The following ARHGAP22 variants were observed in gnomAD, a reference collection of about 807,000 sequenced individuals.
The protein encoded by ARHGAP22 is Rho GTPase activating protein 22.
A neutral mutation model predicts 59.1 loss-of-function variants in ARHGAP22; 48 were observed. That is an observed-to-expected ratio of 0.81 (90% CI 0.64 to 1.03). The LOEUF (loss-of-function observed/expected upper bound fraction) is 1.03, where lower values mean the gene tolerates loss of function less well. ARHGAP22 is among the 50% of genes least tolerant of loss of function. The pLI is 0.00. For synonymous variants in ARHGAP22, 445 were observed against 416.4 expected (o/e 1.07, Z -0.84); for missense variants, 1,015 against 958.7 (o/e 1.06, Z -0.78).
At chr10:48,575,446 G>A (rs1033987016) in intron 2 of ARHGAP22, 22 of 152,200 alleles carry the variant, frequency 1.4e-4, no homozygotes, top group African/African-American at 5.3e-4. Flanking sequence ...TTATGGGATA[G>A]GATGGCCTCT....
chr10:48,648,823 C>T (rs762560922), intron 1 of ARHGAP22, among the ~76,000 whole-genome samples: 3 of 152,078 alleles, frequency 2.0e-5, no homozygotes, highest in Non-Finnish European at 4.4e-5. Flanking sequence ...ATGGGCAAGG[C>T]GGGTGCCAGA....
chr10:48,457,067 G>A (rs895460048), intron 5 of ARHGAP22, among the ~76,000 whole-genome samples: 3 of 152,048 alleles, frequency 2.0e-5, no homozygotes, highest in South Asian at 2.1e-4. Context: ...GTCAGGGGAC[G>A]AGGTGCCTGC....
intron 1 of ARHGAP22, among the ~76,000 whole-genome samples, chr10:48,584,216 T>C (rs1453311940): frequency 6.6e-6 from 1 of 152,246 alleles, no homozygotes; most frequent in African/African-American, 2.4e-5. Flanking sequence ...CTACAATTCT[T>C]GCACTGTATC....
chr10:48,538,983 C>T (rs1329232620), intron 3 of ARHGAP22, among the ~76,000 whole-genome samples: 1 of 152,170 alleles, frequency 6.6e-6, no homozygotes, highest in Non-Finnish European at 1.5e-5. Flanking sequence ...TAAAAGATAT[C>T]TTCTAAAGTG....
chr10:48,459,485 G>C (rs1003383686), intron 5 of ARHGAP22, among the ~76,000 whole-genome samples, 199 bp downstream of exon 5: 4 of 152,182 alleles, frequency 2.6e-5, no homozygotes, highest in Non-Finnish European at 5.9e-5. Flanking sequence ...AGCTGGCCTC[G>C]TGCATGGCAG....
At chr10:48,589,250 C>T (rs1236188278) in intron 1 of ARHGAP22, among the ~76,000 whole-genome samples, 1 of 152,138 alleles carries the variant, frequency 6.6e-6, no homozygotes, top group East Asian at 1.9e-4. Flanking sequence ...ATTAATCACC[C>T]TCTGCTTCTG....
chr10:48,493,370 G>A (rs1356538498), intron 3 of ARHGAP22: 10 of 1,445,678 alleles, frequency 6.9e-6, no homozygotes, highest in Non-Finnish European at 8.4e-6. Context: ...CCTTTCAAGG[G>A]TTAATCGCCC....
At chr10:48,543,677 C>T (rs967553257) in intron 3 of ARHGAP22, among the ~76,000 whole-genome samples, 2 of 152,144 alleles carry the variant, frequency 1.3e-5, no homozygotes, top group African/African-American at 4.8e-5. Flanking sequence ...GGCCAGCAGC[C>T]TGGGGGATTC....
At chr10:48,568,583 G>T (rs1470678673) in intron 2 of ARHGAP22, among the ~76,000 whole-genome samples, 4 of 152,230 alleles carry the variant, frequency 2.6e-5, no homozygotes, top group Non-Finnish European at 5.9e-5. Context: ...CCTCTCCAGA[G>T]GGAGTGACCG....
At chr10:48,475,189 A>G (rs2048595816) in intron 4 of ARHGAP22, among the ~76,000 whole-genome samples, 4 of 152,272 alleles carry the variant, frequency 2.6e-5, no homozygotes, top group African/African-American at 7.2e-5. Flanking sequence ...TGGTTGATCT[A>G]TCAGCAGCAC....
chr10:48,581,423 C>A (rs1199080115), intron 2 of ARHGAP22, among the ~76,000 whole-genome samples: 2 of 152,226 alleles, frequency 1.3e-5, no homozygotes, highest in African/African-American at 4.8e-5. Flanking sequence ...GTTCACACTG[C>A]ACAGCTAGCA....
chr10:48,587,862 G>A (rs1375094624), intron 1 of ARHGAP22, among the ~76,000 whole-genome samples: 1 of 152,176 alleles, frequency 6.6e-6, no homozygotes, highest in Non-Finnish European at 1.5e-5. Context: ...ACAAAAACTC[G>A]GTAACTCATC....
intron 4 of ARHGAP22, chr10:48,479,307 T>G (rs184877635): frequency 9.1e-6 from 4 of 441,822 alleles, no homozygotes; most frequent in African/African-American, 6.1e-5. Context: ...ACGAGACACA[T>G]GTCCTTGTCT....
chr10:48,545,922 G>C (rs1292544678), intron 3 of ARHGAP22, among the ~76,000 whole-genome samples: 2 of 152,196 alleles, frequency 1.3e-5, no homozygotes, highest in Non-Finnish European at 2.9e-5. Flanking sequence ...GGAGGTCACT[G>C]GGCCAGCCCT....
At chr10:48,544,618 AC>A (rs554370351) in intron 3 of ARHGAP22, among the ~76,000 whole-genome samples, 144 of 152,350 alleles carry the variant, frequency 9.5e-4, no homozygotes, top group Non-Finnish European at 1.7e-3. Flanking sequence ...TTGCTGAAAA[AC>A]ATTTAAGTAT....
At chr10:48,562,470 A>G (rs147539649) in intron 2 of ARHGAP22, among the ~76,000 whole-genome samples, 1 of 152,160 alleles carries the variant, frequency 6.6e-6, no homozygotes, top group South Asian at 2.1e-4. Flanking sequence ...GAATGAATGA[A>G]CTCTTAATGC....
chr10:48,655,079 CTTCTCTTCTCTTCT>C (rs2062748301), upstream of ARHGAP22, among the ~76,000 whole-genome samples: 2 of 46,044 alleles, frequency 4.3e-5, no homozygotes, highest in African/African-American at 1.5e-4. Context: ...CTTCTCTTCT[CTTCTCTTCTCTTCT>C]CTTCTCTTCT....
intron 5 of ARHGAP22, among the ~76,000 whole-genome samples, chr10:48,456,061 C>T (rs1157118949): frequency 6.6e-6 from 1 of 152,168 alleles, no homozygotes; most frequent in Non-Finnish European, 1.5e-5. Flanking sequence ...GTGGGGTCTG[C>T]AGTTCAGGTC....
chr10:48,638,846 T>C (rs2061930782), intron 1 of ARHGAP22, among the ~76,000 whole-genome samples: 2 of 151,970 alleles, frequency 1.3e-5, no homozygotes, highest in African/African-American at 4.8e-5. Flanking sequence ...AAAGCGGATA[T>C]GGGAAACTTG....
Sources: allele counts gnomAD v4.1 joint callset (sites outside exome capture counted in the v4.1 genomes callset), GRCh38; gene constraint gnomAD v4.1.1; transcripts MANE v1.5; gene names NCBI Gene and HGNC (gene_info 2026-07-23, HGNC 2026-07-21).